VPS8: variants seen among roughly 807,000 people sequenced by gnomAD.
VPS8 encodes vacuolar protein sorting-associated protein 8 homolog.
Under a neutral mutation model 216.4 loss-of-function variants are expected in VPS8, and 129 were observed. That is an observed-to-expected ratio of 0.60 (90% CI 0.52 to 0.69). The LOEUF (loss-of-function observed/expected upper bound fraction) is 0.69, where lower values mean the gene tolerates loss of function less well. Among genes scored for constraint, VPS8 ranks in the 30% least tolerant of loss-of-function variants. VPS8 has a pLI of 0.00. For synonymous variants in VPS8, 571 were observed against 565.4 expected (o/e 1.01, Z -0.14); for missense variants, 1,531 against 1,683.5 (o/e 0.91, Z 1.59).
intron 45 of VPS8, among the ~76,000 whole-genome samples, chr3:185,012,831 C>T (rs1263646556): frequency 3.9e-5 from 6 of 152,146 alleles, no homozygotes; most frequent in Non-Finnish European, 4.4e-5. Context: ...AGAAATATAG[C>T]GTGTGGAGTT....
intron 5 of VPS8, among the ~76,000 whole-genome samples, chr3:184,837,722 T>C (rs1447554099): frequency 6.6e-6 from 1 of 152,170 alleles, no homozygotes; most frequent in Non-Finnish European, 1.5e-5. Context: ...ATGATAATAA[T>C]TGACCACGCT....
chr3:184,830,979 A>G (rs1257843410), intron 3 of VPS8, among the ~76,000 whole-genome samples: 1 of 152,238 alleles, frequency 6.6e-6, no homozygotes, highest in Non-Finnish European at 1.5e-5. Flanking sequence ...GATATGGATG[A>G]GCTTACTCAA....
intron 16 of VPS8, among the ~76,000 whole-genome samples, chr3:184,864,775 C>T (rs1356302187): frequency 1.3e-5 from 2 of 152,048 alleles, no homozygotes; most frequent in Admixed American, 6.6e-5. Flanking sequence ...CAGAAAGATC[C>T]AGAAACCAAC....
Position 184,971,631 on chromosome 3 carries a change from C to T in VPS8, c.3317-18C>T. ...GCAACATATCCTTAAATGATGTTTA[C>T]ACTTTTTCTAAATCTAGATACCAAA... On this transcript the variant is annotated intron_variant, in intron 39 of 47. Transcript: ENST00000625842. 1 of 1,593,236 alleles carries T rather than the reference C, an allele frequency of 6.3e-7. No homozygotes were observed. The highest frequency in any genetic ancestry group is 1.1e-5 in the South Asian group (1 of 88,792).
intron 39 of VPS8, among the ~76,000 whole-genome samples, chr3:184,967,751 T>G (rs4308256): frequency 3.3e-5 from 5 of 151,538 alleles, no homozygotes; most frequent in African/African-American, 1.2e-4. Flanking sequence ...GCAGGACAAT[T>G]GCTTGAACCT....
intron 7 of VPS8, among the ~76,000 whole-genome samples, chr3:184,840,735 CAA>C (rs1721982660): frequency 6.6e-6 from 1 of 151,680 alleles, no homozygotes; most frequent in Non-Finnish European, 1.5e-5. Context: ...TAATAATAAA[CAA>C]AAAACTATTA....
chr3:184,897,958 C>T (rs961945758), intron 23 of VPS8, among the ~76,000 whole-genome samples: 6 of 152,088 alleles, frequency 3.9e-5, no homozygotes, highest in African/African-American at 1.4e-4. Flanking sequence ...GCTGGCACTT[C>T]TGCTTGTGGC....
chr3:184,919,110 G>A (rs1287584852), intron 28 of VPS8: 1 of 152,220 alleles, frequency 6.6e-6, no homozygotes, highest in Non-Finnish European at 1.5e-5. Flanking sequence ...AACAGCATGA[G>A]CAAAGGTACT....
intron 45 of VPS8, among the ~76,000 whole-genome samples, chr3:185,006,499 C>T (rs931016548): frequency 6.6e-6 from 1 of 152,172 alleles, no homozygotes; most frequent in Non-Finnish European, 1.5e-5. Context: ...TCAAATACAT[C>T]CATACCATAT....
intron 40 of VPS8, among the ~76,000 whole-genome samples, chr3:184,978,948 T>C (rs181282562): frequency 1.3e-5 from 2 of 152,314 alleles, no homozygotes; most frequent in Admixed American, 1.3e-4. Context: ...CACTATAAAC[T>C]TACCTCTTAA....
intron 23 of VPS8, among the ~76,000 whole-genome samples, chr3:184,895,884 G>A (rs139514805): frequency 3.3e-5 from 5 of 151,104 alleles, no homozygotes; most frequent in South Asian, 2.1e-4. Flanking sequence ...TTCGCCTGCC[G>A]TGGCCTTCCA....
intron 4 of VPS8, among the ~76,000 whole-genome samples, chr3:184,833,897 T>C (rs1351628036): frequency 6.6e-6 from 1 of 152,230 alleles, no homozygotes; most frequent in Non-Finnish European, 1.5e-5. Flanking sequence ...ATATCTCTAA[T>C]ATAACATTTA....
At chr3:184,966,278 T>C (rs1328712133) in intron 38 of VPS8, among the ~76,000 whole-genome samples, 4 of 152,138 alleles carry the variant, frequency 2.6e-5, no homozygotes, top group Non-Finnish European at 4.4e-5. Context: ...ACCAAGCCAT[T>C]CGTGACAGAT....
At chr3:184,877,589 C>G (rs924107349) in intron 21 of VPS8, among the ~76,000 whole-genome samples, 1 of 152,084 alleles carries the variant, frequency 6.6e-6, no homozygotes, top group Non-Finnish European at 1.5e-5. Flanking sequence ...TATTATTTAC[C>G]TCCATTTTCC....
At chr3:185,002,122 T>A (rs1168917255) in intron 45 of VPS8, among the ~76,000 whole-genome samples, 2 of 151,946 alleles carry the variant, frequency 1.3e-5, no homozygotes. Flanking sequence ...TGAGGTGAGG[T>A]TCATTAGGCA....
chr3:184,900,883 A>AGAT (rs775187679), intron 24 of VPS8, 38 bp from the exon 25 acceptor site: 3 of 1,530,762 alleles, frequency 2.0e-6, no homozygotes, highest in African/African-American at 2.8e-5. Context: ...ATATCATTTG[A>AGAT]GATGATGATG....
chr3:184,959,681 G>A (rs1371223356), intron 37 of VPS8, among the ~76,000 whole-genome samples: 1 of 152,000 alleles, frequency 6.6e-6, no homozygotes, highest in Non-Finnish European at 1.5e-5. Context: ...AATTTTATGA[G>A]GCCAGGTTTG....
intron 46 of VPS8, among the ~76,000 whole-genome samples, chr3:185,041,087 C>A (rs1711522512): frequency 6.6e-6 from 1 of 152,082 alleles, no homozygotes; most frequent in African/African-American, 2.4e-5. Context: ...CATCTGTAAT[C>A]CCAGCTATTC....
intron 3 of VPS8, among the ~76,000 whole-genome samples, chr3:184,827,761 A>G (rs1042155932): frequency 5.3e-5 from 8 of 152,364 alleles, no homozygotes; most frequent in African/African-American, 1.7e-4. Flanking sequence ...CACTGTTATC[A>G]TCCTCAATAG....
Sources: allele counts gnomAD v4.1 joint callset (sites outside exome capture counted in the v4.1 genomes callset), GRCh38; gene constraint gnomAD v4.1.1; transcripts MANE v1.5; gene names NCBI Gene and HGNC (gene_info 2026-07-23, HGNC 2026-07-21).